Variants in NACC2 observed in about 807,000 individuals in gnomAD.
NACC2 encodes the protein nucleus accumbens-associated protein 2.
Under a neutral mutation model 25.1 loss-of-function variants are expected in NACC2, and 8 were observed. The observed-to-expected ratio is 0.32, with a 90% confidence interval of 0.19 to 0.57. NACC2 has a LOEUF of 0.57. Among genes scored for constraint, NACC2 ranks in the 20% least tolerant of loss-of-function variants. NACC2 has a pLI of 0.89. For missense variants in NACC2, 644 were observed against 650.2 expected (o/e 0.99, Z 0.10); for synonymous variants, 435 against 294.7 (o/e 1.48, Z -4.88).
intron 1 of NACC2, among the ~76,000 whole-genome samples, chr9:136,071,320 A>G (rs1841148502): frequency 2.0e-5 from 3 of 151,938 alleles, no homozygotes; most frequent in Admixed American, 6.6e-5. Context: ...CAAGGCTGGC[A>G]GATCACGAGG....
At chr9:136,089,332 GA>G (rs1335885653) in intron 1 of NACC2, among the ~76,000 whole-genome samples, 3 of 152,246 alleles carry the variant, frequency 2.0e-5, no homozygotes, top group Non-Finnish European at 4.4e-5. Context: ...CTAGGAGGGA[GA>G]CAAGGGGGCT....
In NACC2 at chr9:136,007,322, C is replaced by T. The variant is rs1291077932; in HGVS notation, c.*4194G>A. On this transcript the variant is annotated 3_prime_UTR_variant, in exon 6 of 6. Transcript: ENST00000277554. ...ACCATCTTGTACCAAACCCTAAATGCTCCGGTGGTGACGTGCACGCGCGTG... is the reference window on the plus strand; with the variant it reads ...ACCATCTTGTACCAAACCCTAAATGTTCCGGTGGTGACGTGCACGCGCGTG... 3 of 154,400 alleles carry T rather than the reference C, an allele frequency of 1.9e-5. No homozygotes were observed. The highest frequency in any genetic ancestry group is 2.9e-5 in the Non-Finnish European group (2 of 68,214). 9.6% of individuals were successfully genotyped at this position (154,400 alleles called of 1,614,324 possible).
At chr9:136,069,099 G>C (rs113735259) in intron 1 of NACC2, among the ~76,000 whole-genome samples, 5,242 of 151,186 alleles carry the variant, frequency 0.035, 150 homozygotes, top group Admixed American at 0.054. Context: ...GTAGAGACGG[G>C]GTTTCACCAA....
intron 2 of NACC2, among the ~76,000 whole-genome samples, chr9:136,043,546 C>T (rs1043534422): frequency 3.9e-5 from 6 of 152,208 alleles, no homozygotes; most frequent in Non-Finnish European, 7.3e-5. Flanking sequence ...TGGCCTCATG[C>T]GTTCAACCAC....
At position 136,057,943 on chromosome 9, in the gene NACC2, C is replaced by T. The variant is rs1468952548; in HGVS notation, c.-59-7363G>A. 3.9e-5 allele frequency among the ~76,000 whole-genome samples: 6 copies of T among 152,172 alleles called. No individual in the cohort carries two copies. In the East Asian group the frequency reaches 9.6e-4, roughly 24 times the overall value. ...CAGCCCATTAGAGACGGCGACTTCG[C>T]GGCACACTCTCATGGTTAATATTCA... On this transcript the variant is annotated intron_variant, in intron 1 of 5. Coordinates refer to ENST00000277554, the MANE Select transcript of NACC2 (RefSeq NM_144653.5).
intron 2 of NACC2, among the ~76,000 whole-genome samples, 187 bp downstream of exon 2, chr9:136,049,449 T>A (rs1018342734): frequency 2.0e-5 from 3 of 152,156 alleles, no homozygotes; most frequent in African/African-American, 7.2e-5. Flanking sequence ...TCCTAGGAGT[T>A]CTTGTCTCAT....
At chr9:136,073,164 G>A (rs1004463382) in intron 1 of NACC2, among the ~76,000 whole-genome samples, 2 of 152,086 alleles carry the variant, frequency 1.3e-5, no homozygotes, top group South Asian at 2.1e-4. Flanking sequence ...ATGGTGGCAC[G>A]TGCTTGTAGT....
At chr9:136,065,003 A>G (rs1240770012) in intron 1 of NACC2, among the ~76,000 whole-genome samples, 2 of 152,262 alleles carry the variant, frequency 1.3e-5, no homozygotes, top group South Asian at 2.1e-4. Context: ...GGATAGCCAC[A>G]TGCAAAAGAA....
intron 1 of NACC2, among the ~76,000 whole-genome samples, chr9:136,083,043 T>C (rs7468351): frequency 0.53 from 80,490 of 152,136 alleles, 22,728 homozygotes; most frequent in South Asian, 0.67. Flanking sequence ...AGCGACCAGA[T>C]TGATCTCCTG....
chr9:136,044,970 C>T (rs1436804481), intron 2 of NACC2, among the ~76,000 whole-genome samples: 2 of 152,168 alleles, frequency 1.3e-5, no homozygotes, highest in African/African-American at 4.8e-5. Flanking sequence ...GGGTGGGGCC[C>T]GCAGCAGGCC....
intron 5 of NACC2, among the ~76,000 whole-genome samples, chr9:136,012,673 T>C (rs1179590928): frequency 1.9e-5 from 2 of 106,150 alleles, no homozygotes; most frequent in African/African-American, 7.7e-5. Context: ...TTTTTTTTTT[T>C]CTTTTTTTTA....
At position 136,050,456 on chromosome 9, in the gene NACC2, C is replaced by T. The variant is rs1840805937; in HGVS notation, c.66G>A (p.Glu22=). ...FGNTVLGCLN[E]QRLLGLYCDV... ...CGCAGTAGAGGCCCAGCAGGCGCTG[C>T]TCGTTCAGGCAGCCCAGCACTGTGT... Residue 22 remains glutamate, a synonymous_variant, in exon 2 of 6, where the codon GAG becomes GAA. Coordinates refer to ENST00000277554, the MANE Select transcript of NACC2 (RefSeq NM_144653.5). 2 of 766,362 alleles carry T rather than the reference C, an allele frequency of 2.6e-6. No homozygotes were observed. Among genetic ancestry groups the T allele is most frequent in the South Asian group, 1.3e-5 (1 of 74,408 alleles). 47.5% of individuals were successfully genotyped at this position (766,362 alleles called of 1,614,324 possible).
Position 136,011,820 on chromosome 9 carries a change from G to A in NACC2, c.1460C>T (p.Ala487Val), listed in dbSNP as rs781227410. ...VPLDPEFPPA[A>V]AQVFEQRIYA... ...GATGCGTTGCTCGAACACCTGTGCC[G>A]CGGCAGGCGGGAACTCGGGGTCGAG... is the stretch of plus-strand genomic sequence containing the variant. The change falls in exon 6 of 6, where the codon GCG becomes GTG. Residue 487 changes from alanine to valine, a missense_variant. By Grantham distance (64) the Ala-to-Val change is moderately conservative. Coordinates refer to ENST00000277554, the MANE Select transcript of NACC2 (RefSeq NM_144653.5). 17 of 1,574,102 alleles carry A rather than the reference G, an allele frequency of 1.1e-5. No individual in the cohort carries two copies. The highest frequency in any genetic ancestry group is 8.1e-5 in the African/African-American group (6 of 73,814).
At chr9:136,082,987 C>T (rs952318502) in intron 1 of NACC2, among the ~76,000 whole-genome samples, 3 of 152,248 alleles carry the variant, frequency 2.0e-5, no homozygotes, top group African/African-American at 4.8e-5. Context: ...CCGTGTTTTA[C>T]GGCTGTCATA....
intron 1 of NACC2, among the ~76,000 whole-genome samples, chr9:136,092,638 G>A (rs2131194608): frequency 6.6e-6 from 1 of 152,342 alleles, no homozygotes; most frequent in Non-Finnish European, 1.5e-5. Flanking sequence ...TGGTCAGCCT[G>A]GGCCACTGAG....
rs192668331 is a variant in NACC2, at chr9:136,070,463, C to T, written c.-59-19883G>A. 9.0e-4 allele frequency among the ~76,000 whole-genome samples: 136 copies of T among 151,778 alleles called. 1 individual carries two copies. The Middle Eastern group carries it at 0.02, about 23-fold the overall frequency. ...CGGAGGTTGCAGTGAGCCGAGATCG[C>T]GCCACTGCACTCCAGCCTGGGCGAC... On this transcript the variant is annotated intron_variant, in intron 1 of 5. Transcript: ENST00000277554.
Position 136,008,345 on chromosome 9 carries a change from GGC to G in NACC2, c.*3169_*3170del, listed in dbSNP as rs1229765016. 1.3e-5 allele frequency: 2 copies of G among 152,562 alleles called. No individual in the cohort carries two copies. The highest frequency in any genetic ancestry group is 4.8e-5 in the African/African-American group (2 of 41,590). The allele number at this position is 152,562 out of a possible 1,614,324, so 9.5% of individuals were successfully genotyped here. A position where few individuals can be genotyped will look rare whatever the true frequency, so the allele number is the denominator to read the frequency against. On this transcript the variant is annotated 3_prime_UTR_variant, in exon 6 of 6. Coordinates refer to ENST00000277554, the MANE Select transcript of NACC2 (RefSeq NM_144653.5). ...GGGAAGAGGAAGGCAGGGCAGGAGA[GGC>G]GGCTAGATCCCAGGCCCACCACCTG...
intron 2 of NACC2, among the ~76,000 whole-genome samples, chr9:136,032,515 G>A (rs1840489059): frequency 6.6e-6 from 1 of 152,316 alleles, no homozygotes. Context: ...TTAGAAATGA[G>A]ACAGGGATAT....
At position 136,086,031 on chromosome 9, in the gene NACC2, T is replaced by A. The variant is rs1259366512; in HGVS notation, c.-60+9158A>T. Among the ~76,000 whole-genome samples the A allele has an allele frequency of 6.6e-6, 1 of 151,284 alleles. No individual in the cohort carries two copies. The highest frequency in any genetic ancestry group is 2.4e-5 in the African/African-American group (1 of 41,042). On this transcript the variant is annotated intron_variant, in intron 1 of 5. Coordinates refer to ENST00000277554, the MANE Select transcript of NACC2 (RefSeq NM_144653.5). This position sits in a 1 kb window ranked among gnomAD's most constrained non-coding sequence, Gnocchi z 5.6. The stretch of plus-strand genomic sequence containing the variant: ...CGCAGGGCAGCTCCGATGGGAGGGG[T>A]TGGCAGAGCCCGGAGTCCGGGCGCC...
Sources: allele counts gnomAD v4.1 joint callset (sites outside exome capture counted in the v4.1 genomes callset), GRCh38; gene constraint gnomAD v4.1.1; non-coding constraint Gnocchi (gnomAD v3.1); transcripts MANE v1.5; gene names NCBI Gene and HGNC (gene_info 2026-07-23, HGNC 2026-07-21).